Variants in MACROD2 observed in about 807,000 individuals in gnomAD.
MACROD2 encodes ADP-ribose glycohydrolase MACROD2.
A neutral mutation model predicts 70.4 loss-of-function variants in MACROD2; 36 were observed. The observed-to-expected ratio is 0.51, with a 90% confidence interval of 0.39 to 0.68. MACROD2 has a LOEUF of 0.68. Ranked by LOEUF, MACROD2 falls within the 30% of genes least tolerant of loss-of-function variation. The pLI is 0.00. For synonymous variants in MACROD2, 172 were observed against 178.8 expected, an observed-to-expected ratio of 0.96 and a Z score of 0.30; for missense variants, 496 against 538.4, an observed-to-expected ratio of 0.92 and a Z score of 0.78.
chr20:15,674,727 G>A (rs1401599884), intron 8 of MACROD2, among the ~76,000 whole-genome samples: 4 of 145,312 alleles, frequency 2.8e-5, no homozygotes, highest in African/African-American at 1.0e-4. Context: ...AAGTGTGTTT[G>A]TGTGTGTGTG....
intron 8 of MACROD2, among the ~76,000 whole-genome samples, chr20:15,814,611 C>G (rs2063854115): frequency 6.6e-6 from 1 of 152,180 alleles, no homozygotes; most frequent in South Asian, 2.1e-4. Flanking sequence ...TAACACTATG[C>G]CCCTGGTGGA....
At chr20:14,720,430 GGTTGATAACAGTTGTCATA>G (rs1339878460) in intron 5 of MACROD2, among the ~76,000 whole-genome samples, 1 of 150,026 alleles carries the variant, frequency 6.7e-6, no homozygotes, top group Non-Finnish European at 1.5e-5. Flanking sequence ...GTGCTGTTTT[GGTTGATAACAGTTGTCATA>G]GTCATTTCCT....
intron 3 of MACROD2, among the ~76,000 whole-genome samples, chr20:14,126,818 G>C (rs953723922): frequency 6.6e-6 from 1 of 152,116 alleles, no homozygotes; most frequent in African/African-American, 2.4e-5. Context: ...AGAAGACAGT[G>C]AACTTAATCT....
intron 6 of MACROD2, among the ~76,000 whole-genome samples, chr20:15,350,173 C>T (rs865808213): frequency 7.2e-5 from 11 of 152,228 alleles, no homozygotes; most frequent in African/African-American, 2.4e-4. Flanking sequence ...AGGCTTGGTA[C>T]GCCTTGCTTT....
intron 3 of MACROD2, among the ~76,000 whole-genome samples, chr20:14,385,782 C>G (rs572124679): frequency 6.6e-6 from 1 of 152,272 alleles, no homozygotes; most frequent in South Asian, 2.1e-4. Context: ...TTTCAGCCAT[C>G]AATTTGAAAT....
intron 4 of MACROD2, among the ~76,000 whole-genome samples, chr20:14,577,589 G>A (rs1980682381): frequency 6.6e-6 from 1 of 152,008 alleles, no homozygotes; most frequent in South Asian, 2.1e-4. Context: ...AGACCAGCCT[G>A]GGCCACAGAG....
At chr20:15,707,637 G>T (rs942310650) in intron 8 of MACROD2, among the ~76,000 whole-genome samples, 5 of 152,030 alleles carry the variant, frequency 3.3e-5, no homozygotes, top group Admixed American at 6.6e-5. Flanking sequence ...ACAAAAATTA[G>T]CTGAGCGTGG....
chr20:15,952,185 G>C (rs1337065043), intron 12 of MACROD2, among the ~76,000 whole-genome samples: 1 of 152,120 alleles, frequency 6.6e-6, no homozygotes, highest in East Asian at 1.9e-4. Flanking sequence ...CAGCCATATG[G>C]AACTGTAAGT....
chr20:14,377,362 C>CCA, intron 3 of MACROD2, among the ~76,000 whole-genome samples: 1 of 152,286 alleles, frequency 6.6e-6, no homozygotes, highest in Middle Eastern at 3.4e-3. Flanking sequence ...GAGTTGCAGA[C>CCA]CACACCATCA....
chr20:15,749,562 G>A (rs570314691), intron 8 of MACROD2, among the ~76,000 whole-genome samples: 10 of 152,040 alleles, frequency 6.6e-5, no homozygotes, highest in African/African-American at 2.4e-4. Flanking sequence ...ATTGGTATTT[G>A]TCATCTTTCT....
intron 5 of MACROD2, among the ~76,000 whole-genome samples, chr20:14,956,139 C>G (rs900078236): frequency 6.6e-6 from 1 of 151,538 alleles, no homozygotes; most frequent in Non-Finnish European, 1.5e-5. Context: ...ATTTGTACAA[C>G]TTAGTGCATG....
Position 16,044,634 on chromosome 20 carries a change from T to A in MACROD2, c.1295T>A (p.Leu432Gln), listed in dbSNP as rs139092334. 5.9e-4 allele frequency: 953 copies of A among 1,611,652 alleles called. 12 individuals carry two copies. Among genetic ancestry groups the A allele is most frequent in the Middle Eastern group, 1.8e-3 (11 of 6,052 alleles). Residue 432 changes from leucine (L) to glutamine (Q), a missense_variant, in exon 17 of 18, where the codon CTA becomes CAA. Leu to Gln is a moderately radical substitution (Grantham distance 113). Transcript: ENST00000684519. ...DPTESQQEDQLIAGAQDEAKE... is the reference protein window; with the variant it reads ...DPTESQQEDQQIAGAQDEAKE... ...ACAGAGAGTCAACAAGAAGATCAAC[T>A]AATAGGTAAGATGCCCCTTGTGGTG...
chr20:14,771,811 A>G (rs144523897), intron 5 of MACROD2, among the ~76,000 whole-genome samples: 8 of 151,864 alleles, frequency 5.3e-5, no homozygotes, highest in Non-Finnish European at 8.8e-5. Context: ...ATGTATATGT[A>G]TGTGTGTTTG....
chr20:15,667,606 C>A (rs377096676), intron 8 of MACROD2, among the ~76,000 whole-genome samples: 5 of 152,098 alleles, frequency 3.3e-5, no homozygotes, highest in African/African-American at 1.2e-4. Flanking sequence ...CATTCTGCTG[C>A]ACAACCATAG....
chr20:15,094,939 C>T (rs898109415), intron 5 of MACROD2, among the ~76,000 whole-genome samples: 1 of 151,954 alleles, frequency 6.6e-6, no homozygotes, highest in Non-Finnish European at 1.5e-5. Flanking sequence ...TTAGCTTCTT[C>T]CCTGAGTTTG....
intron 5 of MACROD2, among the ~76,000 whole-genome samples, chr20:14,974,679 C>A (rs2074722284): frequency 6.6e-6 from 1 of 152,094 alleles, no homozygotes; most frequent in South Asian, 2.1e-4. Context: ...CCTCAGGCAA[C>A]CTTTCAGTAA....
intron 3 of MACROD2, among the ~76,000 whole-genome samples, chr20:14,362,185 TTAATAA>T (rs1288252566): frequency 2.0e-5 from 3 of 152,200 alleles, no homozygotes; most frequent in African/African-American, 7.2e-5. Flanking sequence ...ATATCATATG[TTAATAA>T]TAATAACTTA....
chr20:14,790,751 AGTTCC>A, intron 5 of MACROD2, among the ~76,000 whole-genome samples: 1 of 152,214 alleles, frequency 6.6e-6, no homozygotes, highest in Non-Finnish European at 1.5e-5. Flanking sequence ...TTGCAGAGAT[AGTTCC>A]GTTTTGGGAA....
chr20:15,589,724 A>G (rs565366795), intron 8 of MACROD2, among the ~76,000 whole-genome samples: 247 of 152,300 alleles, frequency 1.6e-3, no homozygotes, highest in Non-Finnish European at 2.9e-3. Context: ...TCTTTTTGCC[A>G]TCTCCATAGT....
Sources: gnomAD v4.1 joint callset for allele counts (sites outside exome capture counted in the v4.1 genomes callset) on GRCh38, gnomAD v4.1.1 for gene constraint, MANE v1.5 for transcripts, NCBI Gene and HGNC (gene_info 2026-07-23, HGNC 2026-07-21) for gene names.